Variants in AMPH observed in about 807,000 individuals in gnomAD.
The protein encoded by AMPH is amphiphysin (Stiff-Mann syndrome with breast cancer 128kD autoantigen).
In AMPH, 49 loss-of-function variants were observed where a neutral mutation model predicts 99.1. The observed-to-expected ratio is 0.49, with a 90% CI of 0.39 to 0.63. The LOEUF (loss-of-function observed/expected upper bound fraction) is 0.63. AMPH is among the 20% of genes least tolerant of loss of function. AMPH has a pLI of 0.00. For missense variants in AMPH, 759 were observed against 863.4 expected (o/e 0.88, Z 1.52); for synonymous variants, 314 against 317.3 (o/e 0.99, Z 0.11).
chr7:38,542,066 T>C (rs1790827784), intron 1 of AMPH, among the ~76,000 whole-genome samples: 1 of 152,122 alleles, frequency 6.6e-6, no homozygotes, highest in Non-Finnish European at 1.5e-5. Flanking sequence ...AAAATATTGG[T>C]GGGGAAAAAT....
intron 1 of AMPH, among the ~76,000 whole-genome samples, chr7:38,536,933 T>A (rs1253746387): frequency 6.6e-6 from 1 of 152,184 alleles, no homozygotes; most frequent in African/African-American, 2.4e-5. Context: ...ATAACTATGT[T>A]AAAAAGTTAA....
At chr7:38,395,886 T>C (rs1275357383) in intron 17 of AMPH, among the ~76,000 whole-genome samples, 1 of 152,232 alleles carries the variant, frequency 6.6e-6, no homozygotes, top group Non-Finnish European at 1.5e-5. Flanking sequence ...ACGTTTCTGC[T>C]GGCTCAAAGG....
chr7:38,436,920 T>A (rs961138744), intron 11 of AMPH, among the ~76,000 whole-genome samples: 4 of 152,306 alleles, frequency 2.6e-5, no homozygotes, highest in African/African-American at 9.6e-5. Context: ...TTGGTTATCA[T>A]TTGATCCAGT....
intron 2 of AMPH, among the ~76,000 whole-genome samples, chr7:38,531,764 A>G (rs1790406233): frequency 6.6e-6 from 1 of 152,198 alleles, no homozygotes; most frequent in Admixed American, 6.5e-5. Flanking sequence ...CACAAATCCA[A>G]ATATGGTTTC....
intron 1 of AMPH, among the ~76,000 whole-genome samples, chr7:38,627,193 A>T (rs987627180): frequency 6.6e-6 from 1 of 151,986 alleles, no homozygotes; most frequent in Non-Finnish European, 1.5e-5. Context: ...TTTCTTCCAG[A>T]GATAGGCACA....
At chr7:38,596,873 C>T (rs570419840) in intron 1 of AMPH, among the ~76,000 whole-genome samples, 2 of 152,272 alleles carry the variant, frequency 1.3e-5, no homozygotes, top group Admixed American at 1.3e-4. Context: ...CTGTTTTCAG[C>T]CCATTCTCTA....
intron 2 of AMPH, among the ~76,000 whole-genome samples, chr7:38,505,409 C>T (rs1183219304): frequency 2.0e-5 from 3 of 152,104 alleles, no homozygotes; most frequent in African/African-American, 7.2e-5. Flanking sequence ...TAGGATGAGT[C>T]CATTTGCTGG....
chr7:38,390,165 G>A (rs1021115230), intron 19 of AMPH, among the ~76,000 whole-genome samples: 3 of 152,130 alleles, frequency 2.0e-5, no homozygotes, highest in Non-Finnish European at 4.4e-5. Context: ...TCTTATTTTT[G>A]TTAGAGATTT....
chr7:38,574,429 C>T (rs1792158324), intron 1 of AMPH, among the ~76,000 whole-genome samples: 2 of 152,212 alleles, frequency 1.3e-5, no homozygotes, highest in South Asian at 2.1e-4. Context: ...ACACCCAGAA[C>T]AACACTGAAA....
intron 1 of AMPH, among the ~76,000 whole-genome samples, chr7:38,592,031 C>T (rs959937891): frequency 7.1e-6 from 1 of 141,380 alleles, no homozygotes; most frequent in Non-Finnish European, 1.6e-5. Flanking sequence ...TTACAGTAAG[C>T]CAGTGATAAA....
chr7:38,428,589 A>G, intron 14 of AMPH: 1 of 456,554 alleles, frequency 2.2e-6, no homozygotes, highest in South Asian at 1.5e-5. Flanking sequence ...GGGAGTGTCT[A>G]TTGCATTTTT....
chr7:38,447,299 A>G (rs1374699537), intron 11 of AMPH, among the ~76,000 whole-genome samples: 1 of 152,208 alleles, frequency 6.6e-6, no homozygotes, highest in African/African-American at 2.4e-5. Flanking sequence ...GAGTACAGGC[A>G]TGAGCTACCA....
intron 1 of AMPH, among the ~76,000 whole-genome samples, chr7:38,622,153 G>T (rs761407139): frequency 3.3e-5 from 5 of 152,108 alleles, no homozygotes; most frequent in Non-Finnish European, 5.9e-5. Context: ...TGCAACACAA[G>T]GAATCTTTAC....
Position 38,631,355 on chromosome 7 carries a change from T to G in AMPH, c.-4A>C. ...TGCCCGTCTTGATGTCGGCCATGGC[T>G]GCGGGTCCGGGGAGCTGCGAAGAGC... On this transcript the variant is annotated 5_prime_UTR_variant, in exon 1 of 21. Transcript: ENST00000356264. 6.5e-7 allele frequency: 1 copy of G among 1,548,266 alleles called. No homozygotes were observed. The highest frequency in any genetic ancestry group is 1.4e-5 in the African/African-American group (1 of 71,022).
chr7:38,429,065 C>A (rs781635688), intron 14 of AMPH: 1 of 1,290,274 alleles, frequency 7.8e-7, no homozygotes, highest in Non-Finnish European at 1.0e-6. Flanking sequence ...CCTTTTGACA[C>A]GCCTCCACAC....
intron 1 of AMPH, among the ~76,000 whole-genome samples, chr7:38,586,558 T>C (rs1197804605): frequency 7.1e-6 from 1 of 140,050 alleles, no homozygotes; most frequent in Non-Finnish European, 1.6e-5. Flanking sequence ...AGACTGATCT[T>C]TTCTCATATA....
chr7:38,428,176 C>T (rs548812858), intron 14 of AMPH: 5 of 456,734 alleles, frequency 1.1e-5, no homozygotes, highest in South Asian at 3.1e-5. Flanking sequence ...CTGGCAAATC[C>T]ACTTGCTTGG....
intron 11 of AMPH, among the ~76,000 whole-genome samples, chr7:38,448,635 G>A (rs1378237853): frequency 1.3e-5 from 2 of 152,148 alleles, no homozygotes; most frequent in African/African-American, 4.8e-5. Context: ...AGTATTTTTG[G>A]ATCATGGTTG....
rs144976926 is a variant in AMPH at position 38,555,528 on chromosome 7, A to T, written c.70-20517T>A. On this transcript the variant is annotated intron_variant, in intron 1 of 20. Transcript: ENST00000356264. ...ACAAACAAAAATCTCCTCTGGAGGA[A>T]TTTAACTTCAGCCCCATCTTCAAAG... 1.6e-4 allele frequency among the ~76,000 whole-genome samples: 24 copies of T among 152,328 alleles called. No homozygotes were observed. In the East Asian group the frequency reaches 2.5e-3, roughly 16 times the overall value.
Sources: gnomAD v4.1 joint callset for allele counts (sites outside exome capture counted in the v4.1 genomes callset) on GRCh38, gnomAD v4.1.1 for gene constraint, MANE v1.5 for transcripts, NCBI Gene and HGNC (gene_info 2026-07-23, HGNC 2026-07-21) for gene names.